NOVA1: variants seen among roughly 807,000 people sequenced by gnomAD.
NOVA1 encodes NOVA alternative splicing regulator 1.
NOVA1 carries 7 observed loss-of-function variants against 38.0 expected under a neutral mutation model. That is an observed-to-expected ratio of 0.18 (90% CI 0.10 to 0.35). The LOEUF (loss-of-function observed/expected upper bound fraction) is 0.35, where lower values mean the gene tolerates loss of function less well. Among genes scored for constraint, NOVA1 ranks in the 10% least tolerant of loss-of-function variants. NOVA1 has a pLI of 1.00. For missense variants in NOVA1, 460 were observed against 616.0 expected, an observed-to-expected ratio of 0.75 and a Z score of 2.68; for synonymous variants, 270 against 232.5, an observed-to-expected ratio of 1.16 and a Z score of -1.47.
chr14:26,521,592 A>G (rs1204592163), intron 2 of NOVA1, among the ~76,000 whole-genome samples: 1 of 152,022 alleles, frequency 6.6e-6, no homozygotes, highest in African/African-American at 2.4e-5. Flanking sequence ...GTATAAATAT[A>G]TTTCATTCTT....
At position 26,502,116 on chromosome 14, in the gene NOVA1, C is replaced by A. The variant is rs905501199; in HGVS notation, c.281-21973G>T. On this transcript the variant is annotated intron_variant, in intron 2 of 4. Coordinates refer to ENST00000539517, the MANE Select transcript of NOVA1 (RefSeq NM_002515.3). ...TGAATTGTTTGGGATATTATTGAAA[C>A]TGTAAGAGGAACTAACTAGTTCCTT... Among the ~76,000 whole-genome samples the A allele has an allele frequency of 2.6e-5, 4 of 151,882 alleles. No homozygotes were observed. In the East Asian group the frequency reaches 7.7e-4, roughly 29 times the overall value.
intron 4 of NOVA1, among the ~76,000 whole-genome samples, chr14:26,468,161 TC>T (rs1884292710): frequency 6.6e-6 from 1 of 152,154 alleles, no homozygotes; most frequent in Non-Finnish European, 1.5e-5. Flanking sequence ...GGAGAGATTC[TC>T]CTACTGGCCT....
intron 2 of NOVA1, among the ~76,000 whole-genome samples, chr14:26,523,348 C>A (rs1889040579): frequency 6.6e-6 from 1 of 152,166 alleles, no homozygotes; most frequent in Non-Finnish European, 1.5e-5. Flanking sequence ...CTGCATAACA[C>A]AATACTGTGC....
chr14:26,588,454 TCCTGTCAACAATGCTATGACAGGC>T (rs1323693400), intron 2 of NOVA1: 6 of 151,436 alleles, frequency 4.0e-5, no homozygotes, highest in Admixed American at 4.0e-4. Flanking sequence ...TTTCATCTCT[TCCTGTCAACAATGCTATGACAGGC>T]CCTGCAGGAA....
At chr14:26,587,318 A>AAC (rs947453444) in intron 2 of NOVA1, among the ~76,000 whole-genome samples, 14 of 150,112 alleles carry the variant, frequency 9.3e-5, no homozygotes, top group South Asian at 2.1e-4. Flanking sequence ...TAAAAAAAAA[A>AAC]AAAAACAAAA....
At chr14:26,521,890 C>G (rs1888924546) in intron 2 of NOVA1, among the ~76,000 whole-genome samples, 1 of 151,996 alleles carries the variant, frequency 6.6e-6, no homozygotes, top group East Asian at 1.9e-4. Context: ...TACTAACAAC[C>G]AAGAACAGCA....
At chr14:26,553,283 C>T (rs1034371244) in intron 2 of NOVA1, among the ~76,000 whole-genome samples, 4 of 152,212 alleles carry the variant, frequency 2.6e-5, no homozygotes, top group African/African-American at 9.6e-5. Context: ...TGAGAGCCAA[C>T]TCCACCTCCA....
intron 2 of NOVA1, among the ~76,000 whole-genome samples, chr14:26,564,571 C>T (rs939002829): frequency 2.0e-5 from 3 of 152,140 alleles, no homozygotes; most frequent in Non-Finnish European, 4.4e-5. Context: ...TTTACATACA[C>T]CATCACTAGT....
intron 2 of NOVA1, among the ~76,000 whole-genome samples, chr14:26,582,467 T>C (rs1893280830): frequency 6.6e-6 from 1 of 151,860 alleles, no homozygotes; most frequent in African/African-American, 2.4e-5. Context: ...AGTTTGCTTT[T>C]TAATGGCTTC....
chr14:26,461,191 G>A (rs1031630869), intron 4 of NOVA1, among the ~76,000 whole-genome samples: 3 of 152,082 alleles, frequency 2.0e-5, no homozygotes, highest in Admixed American at 6.6e-5. Flanking sequence ...TTTTACCAAT[G>A]CCTGAGCCAT....
intron 1 of NOVA1, chr14:26,595,758 T>C (rs553159786): frequency 4.2e-5 from 21 of 500,250 alleles, no homozygotes; most frequent in East Asian, 9.6e-5. Context: ...TTATAGGATT[T>C]ATACTTTCAA....
chr14:26,468,595 G>A, intron 4 of NOVA1, among the ~76,000 whole-genome samples: 1 of 152,294 alleles, frequency 6.6e-6, no homozygotes, highest in Non-Finnish European at 1.5e-5. Flanking sequence ...GAGAGGAGAG[G>A]TTGTGAAATA....
intron 2 of NOVA1, among the ~76,000 whole-genome samples, chr14:26,518,928 T>G (rs190402291): frequency 6.6e-6 from 1 of 152,198 alleles, no homozygotes; most frequent in Non-Finnish European, 1.5e-5. Flanking sequence ...CTAAATTATA[T>G]ACTTTTTCAT....
At chr14:26,467,047 C>T (rs1408669255) in intron 4 of NOVA1, among the ~76,000 whole-genome samples, 3 of 152,150 alleles carry the variant, frequency 2.0e-5, no homozygotes, top group Non-Finnish European at 4.4e-5. Flanking sequence ...AGTGGAGACA[C>T]AAATTTCACA....
chr14:26,580,826 T>G (rs1893169698), intron 2 of NOVA1, among the ~76,000 whole-genome samples: 1 of 152,056 alleles, frequency 6.6e-6, no homozygotes, highest in Non-Finnish European at 1.5e-5. Context: ...AAAAAACACT[T>G]CAATTGTTAA....
At chr14:26,499,120 T>C (rs1162270737) in intron 2 of NOVA1, among the ~76,000 whole-genome samples, 1 of 152,210 alleles carries the variant, frequency 6.6e-6, no homozygotes, top group African/African-American at 2.4e-5. Context: ...AAACTATAGC[T>C]AATAATAGTG....
At chr14:26,451,995 A>G (rs990044088) in intron 4 of NOVA1, among the ~76,000 whole-genome samples, 1 of 152,206 alleles carries the variant, frequency 6.6e-6, no homozygotes, top group African/African-American at 2.4e-5. Context: ...AGTAATTATA[A>G]TATATAGCAT....
intron 4 of NOVA1, among the ~76,000 whole-genome samples, chr14:26,455,371 T>C (rs1401733191): frequency 6.6e-6 from 1 of 152,154 alleles, no homozygotes; most frequent in Non-Finnish European, 1.5e-5. Flanking sequence ...GAATTGGCCA[T>C]TAATAGATAC....
At chr14:26,597,268 T>C in intron 1 of NOVA1, 33 bp downstream of exon 1, 3 of 905,634 alleles carry the variant, frequency 3.3e-6, no homozygotes, top group Non-Finnish European at 3.9e-6. Context: ...CGGCGGGGGA[T>C]GGGGCCAGCG....
Sources: gnomAD v4.1 joint callset for allele counts (sites outside exome capture counted in the v4.1 genomes callset) on GRCh38, gnomAD v4.1.1 for gene constraint, MANE v1.5 for transcripts, NCBI Gene and HGNC (gene_info 2026-07-23, HGNC 2026-07-21) for gene names.